The following ACSM1 variants were observed in gnomAD, a reference collection of about 807,000 sequenced individuals.
The protein encoded by ACSM1 is acyl-coenzyme A synthetase ACSM1, mitochondrial.
ACSM1 carries 79 observed loss-of-function variants against 75.8 expected under a neutral mutation model. The observed-to-expected ratio is 1.04, with a 90% CI of 0.87 to 1.26. The LOEUF (loss-of-function observed/expected upper bound fraction) is 1.26, where lower values mean the gene tolerates loss of function less well. Ranked by LOEUF, ACSM1 falls within the 50% of genes most tolerant of loss-of-function variation. The pLI, the probability that ACSM1 is intolerant of heterozygous loss-of-function variation, is 0.00. For missense variants in ACSM1, 676 were observed against 720.1 expected (o/e 0.94, Z 0.70); for synonymous variants, 279 against 265.8 (o/e 1.05, Z -0.48).
intron 7 of ACSM1, among the ~76,000 whole-genome samples, chr16:20,641,924 G>A (rs2018085757): frequency 6.6e-6 from 1 of 152,228 alleles, no homozygotes; most frequent in African/African-American, 2.4e-5. Context: ...GTAACAATGG[G>A]ACAAAGTGAA....
chr16:20,679,232 T>C (rs571493732), intron 4 of ACSM1: 7 of 152,314 alleles, frequency 4.6e-5, no homozygotes, highest in Admixed American at 4.6e-4. Context: ...CTATGACCAG[T>C]GGATTAACCA....
intron 5 of ACSM1, 37 bp from the exon 6 acceptor site, chr16:20,670,023 A>G: frequency 6.2e-7 from 1 of 1,609,502 alleles, no homozygotes; most frequent in African/African-American, 1.3e-5. Context: ...CTGTGTGATC[A>G]TGGCTGATGT....
chr16:20,689,164 T>C (rs1477398067), intron 2 of ACSM1, among the ~76,000 whole-genome samples: 1 of 151,744 alleles, frequency 6.6e-6, no homozygotes, highest in African/African-American at 2.4e-5. Context: ...TAATTTTCAT[T>C]ATTGGCCTTA....
chr16:20,644,414 C>T (rs1447781771), intron 7 of ACSM1, among the ~76,000 whole-genome samples: 1 of 152,132 alleles, frequency 6.6e-6, no homozygotes, highest in Non-Finnish European at 1.5e-5. Context: ...ACTGAAAATT[C>T]CCTTAACCCA....
In ACSM1 at chr16:20,679,082, T is replaced by C. The variant is rs2079379707; in HGVS notation, c.611+3174A>G. On this transcript the variant is annotated intron_variant, in intron 4 of 13. Transcript: ENST00000520010. ...TAAGGATTTTCTTTAAGTTAAAAAATGGAATCCAACCACTCTAGGACCCAT... is the reference window on the plus strand; with the variant it reads ...TAAGGATTTTCTTTAAGTTAAAAAACGGAATCCAACCACTCTAGGACCCAT... 2.0e-5 allele frequency: 3 copies of C among 152,214 alleles called. No individual in the cohort carries two copies. In the South Asian group the frequency reaches 6.2e-4, roughly 32 times the overall value. 9.4% of individuals were successfully genotyped at this position (152,214 alleles called of 1,614,324 possible).
chr16:20,640,135 CTT>C (rs2017963212), intron 8 of ACSM1, among the ~76,000 whole-genome samples: 2 of 152,190 alleles, frequency 1.3e-5, no homozygotes, highest in South Asian at 4.1e-4. Flanking sequence ...CTTTCTCTGA[CTT>C]ACGTTTATCT....
intron 2 of ACSM1, among the ~76,000 whole-genome samples, chr16:20,690,504 T>A (rs1203938541): frequency 6.6e-6 from 1 of 152,208 alleles, no homozygotes; most frequent in Non-Finnish European, 1.5e-5. Context: ...AGACTTGCCA[T>A]CCTCATGGGA....
At chr16:20,676,540 C>T (rs1034394337) in intron 4 of ACSM1, among the ~76,000 whole-genome samples, 2 of 152,114 alleles carry the variant, frequency 1.3e-5, no homozygotes, top group African/African-American at 2.4e-5. Flanking sequence ...TTAGAAGCTC[C>T]GTAGGTGTGA....
chr16:20,655,021 G>C (rs2018869551), intron 7 of ACSM1, among the ~76,000 whole-genome samples: 1 of 152,002 alleles, frequency 6.6e-6, no homozygotes, highest in South Asian at 2.1e-4. Flanking sequence ...ATGATAGACT[G>C]GATTAAGAAA....
Position 20,627,180 on chromosome 16 carries a change from C to A in ACSM1, c.1427+9G>T. On this transcript the variant is annotated intron_variant, in intron 11 of 13. Transcript: ENST00000520010. Reference sequence around the variant, plus strand: ...CAACAACAGCCAGCCCAGCATCAGCCACACCTACCCAGAGGCATTAATGAT... The same window carrying A: ...CAACAACAGCCAGCCCAGCATCAGCAACACCTACCCAGAGGCATTAATGAT... 1 of 1,524,914 alleles carries A rather than the reference C, an allele frequency of 6.6e-7. No homozygotes were observed. 94.5% of individuals were successfully genotyped at this position (1,524,914 alleles called of 1,614,324 possible).
At chr16:20,633,696 G>C (rs116849543) in intron 10 of ACSM1, among the ~76,000 whole-genome samples, 3,963 of 152,136 alleles carry the variant, frequency 0.026, 56 homozygotes, top group Non-Finnish European at 0.04. Context: ...AATGCATATA[G>C]AATCTCAAAG....
At chr16:20,663,535 C>G (rs2152261414) in intron 6 of ACSM1, among the ~76,000 whole-genome samples, 1 of 152,252 alleles carries the variant, frequency 6.6e-6, no homozygotes, top group East Asian at 1.9e-4. Flanking sequence ...TCTGATCACC[C>G]CAACATTCTG....
At chr16:20,625,162 A>G (rs1596772170) in intron 12 of ACSM1, among the ~76,000 whole-genome samples, 2 of 152,174 alleles carry the variant, frequency 1.3e-5, no homozygotes, top group East Asian at 1.9e-4. Context: ...CTCATCTATA[A>G]AAAGCATAAG....
At chr16:20,630,799 A>G (rs1596789558) in intron 10 of ACSM1, among the ~76,000 whole-genome samples, 1 of 152,336 alleles carries the variant, frequency 6.6e-6, no homozygotes, top group Non-Finnish European at 1.5e-5. Context: ...AATTAACTTT[A>G]AAAGACAGAA....
intron 7 of ACSM1, among the ~76,000 whole-genome samples, chr16:20,661,426 G>GA (rs2019293473): frequency 6.6e-6 from 1 of 152,142 alleles, no homozygotes; most frequent in African/African-American, 2.4e-5. Flanking sequence ...TCCTTTAAGG[G>GA]AGATGGAAGT....
chr16:20,651,301 TTA>T (rs886504177), intron 7 of ACSM1, among the ~76,000 whole-genome samples: 1 of 152,170 alleles, frequency 6.6e-6, no homozygotes, highest in African/African-American at 2.4e-5. Context: ...ATGTATATAT[TTA>T]TGTGTGTGTA....
chr16:20,650,346 C>T (rs2018580132), intron 7 of ACSM1, among the ~76,000 whole-genome samples: 1 of 152,110 alleles, frequency 6.6e-6, no homozygotes, highest in Non-Finnish European at 1.5e-5. Flanking sequence ...TTTGCTTCTC[C>T]TAGTCAAAAA....
chr16:20,697,266 A>G (rs2079694688), intron 1 of ACSM1, among the ~76,000 whole-genome samples: 2 of 152,126 alleles, frequency 1.3e-5, no homozygotes, highest in Admixed American at 6.5e-5. Flanking sequence ...TTCACTTTAT[A>G]GAAAGTGAGC....
chr16:20,681,960 T>C (rs1743102940), intron 4 of ACSM1: 1 of 257,164 alleles, frequency 3.9e-6, no homozygotes, highest in Admixed American at 4.8e-5. Context: ...TTGTAAAACA[T>C]GTTTTTCCTT....
Sources: allele counts gnomAD v4.1 joint callset (sites outside exome capture counted in the v4.1 genomes callset), GRCh38; gene constraint gnomAD v4.1.1; transcripts MANE v1.5; gene names NCBI Gene and HGNC (gene_info 2026-07-23, HGNC 2026-07-21).